The following COL24A1 variants were observed in gnomAD, a reference collection of about 807,000 sequenced individuals.
The protein encoded by COL24A1 is collagen type XXIV alpha 1 chain, also known as collagen alpha-1(XXIV) chain.
COL24A1 carries 224 observed loss-of-function variants against 253.9 expected under a neutral mutation model. That is an observed-to-expected ratio of 0.88 (90% CI 0.79 to 0.99). The LOEUF (loss-of-function observed/expected upper bound fraction) is 0.99, where lower values mean the gene tolerates loss of function less well. Ranked by LOEUF, COL24A1 falls within the 50% of genes least tolerant of loss-of-function variation. The probability of loss-of-function intolerance (pLI) is 0.00; values close to 1 mark genes in which losing one functional copy is unlikely to be tolerated. For synonymous variants in COL24A1, 685 were observed against 673.7 expected, an observed-to-expected ratio of 1.02 and a Z score of -0.26; for missense variants, 2,131 against 2,068.5, an observed-to-expected ratio of 1.03 and a Z score of -0.59.
intron 24 of COL24A1, among the ~76,000 whole-genome samples, chr1:85,939,671 T>C (rs544207213): frequency 1.3e-5 from 2 of 152,304 alleles, no homozygotes; most frequent in South Asian, 4.1e-4. Context: ...GCAAAAGCTA[T>C]AGCTTTTTAT....
intron 2 of COL24A1, 138 bp downstream of exon 2, chr1:86,145,981 T>A (rs1444974641): frequency 3.5e-6 from 2 of 574,552 alleles, no homozygotes; most frequent in South Asian, 4.0e-5. Context: ...TAATCTTACA[T>A]TCTCATGGTA....
intron 24 of COL24A1, among the ~76,000 whole-genome samples, chr1:85,913,400 G>C (rs1685563172): frequency 6.6e-6 from 1 of 152,048 alleles, no homozygotes; most frequent in African/African-American, 2.4e-5. Flanking sequence ...TAGTATTTTG[G>C]GGTCCAGGAA....
intron 4 of COL24A1, among the ~76,000 whole-genome samples, chr1:86,114,625 T>A (rs1705945769): frequency 1.3e-5 from 2 of 152,174 alleles, no homozygotes; most frequent in South Asian, 4.1e-4. Context: ...AAGAGTTTGA[T>A]GTGACTATGG....
At chr1:85,919,233 C>A (rs1281193128) in intron 24 of COL24A1, among the ~76,000 whole-genome samples, 1 of 151,818 alleles carries the variant, frequency 6.6e-6, no homozygotes, top group Non-Finnish European at 1.5e-5. Context: ...CAGGCTGTTT[C>A]TTTCTGCAGC....
intron 19 of COL24A1, among the ~76,000 whole-genome samples, chr1:85,993,404 C>T (rs180818499): frequency 1.3e-4 from 19 of 150,314 alleles, no homozygotes; most frequent in Admixed American, 2.7e-4. Flanking sequence ...GCAACCTAGA[C>T]GAATCTCAAA....
At chr1:85,889,308 C>T (rs1256977922) in intron 32 of COL24A1, among the ~76,000 whole-genome samples, 1 of 151,998 alleles carries the variant, frequency 6.6e-6, no homozygotes, top group Non-Finnish European at 1.5e-5. Flanking sequence ...TTCAATAAAA[C>T]AGAGTTTTAT....
rs992460137 is a variant in COL24A1, at chr1:86,110,814, C to T, written c.1599+1753G>A. Among the ~76,000 whole-genome samples the T allele has an allele frequency of 2.6e-5, 4 of 152,102 alleles. No homozygotes were observed. The East Asian group carries it at 5.8e-4, about 22-fold the overall frequency. The stretch of plus-strand genomic sequence containing the variant: ...CTCCGGACCTGCAGCCCACCATGCC[C>T]GACCCCCGCCCCCCACACCCCATGG... On this transcript the variant is annotated intron_variant, in intron 5 of 59. Coordinates refer to ENST00000370571, the MANE Select transcript of COL24A1 (RefSeq NM_152890.7).
intron 24 of COL24A1, among the ~76,000 whole-genome samples, chr1:85,938,687 AC>A (rs1688449212): frequency 6.9e-6 from 1 of 145,694 alleles, no homozygotes; most frequent in Non-Finnish European, 1.5e-5. Flanking sequence ...CTTCCAAGGT[AC>A]TCCTTCAAGG....
chr1:86,066,231 C>CTTT lies in COL24A1; in HGVS notation c.1708-2475_1708-2473dup, dbSNP rs71078637. On this transcript the variant is annotated intron_variant, in intron 7 of 59. Transcript: ENST00000370571. Reference sequence around the variant, plus strand: ...TTTTCCTTGAAATATCCTAAGTCTCCTTTTTTTTTTTTTTTTTTTTTTTTT... The same window carrying CTTT: ...TTTTCCTTGAAATATCCTAAGTCTCCTTTTTTTTTTTTTTTTTTTTTTTTTTTT... Among the ~76,000 whole-genome samples, 650 of 85,520 alleles carry CTTT rather than the reference C, an allele frequency of 7.6e-3. 4 individuals carry two copies. Among genetic ancestry groups the CTTT allele is most frequent in the Non-Finnish European group, 8.6e-3 (397 of 46,372 alleles). 56.1% of individuals were successfully genotyped at this position (85,520 alleles called of 152,430 possible).
At chr1:85,993,761 T>C (rs1160212865) in intron 19 of COL24A1, among the ~76,000 whole-genome samples, 3 of 152,034 alleles carry the variant, frequency 2.0e-5, no homozygotes, top group East Asian at 1.9e-4. Flanking sequence ...GTATTTAGTA[T>C]TGGGTATTTT....
chr1:85,816,649 G>A, intron 47 of COL24A1, 139 bp downstream of exon 47: 1 of 674,676 alleles, frequency 1.5e-6, no homozygotes, highest in Non-Finnish European at 2.7e-6. Context: ...AAATACAACT[G>A]CATAATAGCT....
At chr1:85,997,960 A>G (rs545862073) in intron 19 of COL24A1, among the ~76,000 whole-genome samples, 4 of 152,266 alleles carry the variant, frequency 2.6e-5, no homozygotes, top group South Asian at 4.1e-4. Flanking sequence ...CAACAGAGAA[A>G]TGCCAGGATA....
chr1:85,822,802 C>G (rs1673798103), intron 45 of COL24A1, among the ~76,000 whole-genome samples: 1 of 152,132 alleles, frequency 6.6e-6, no homozygotes, highest in Non-Finnish European at 1.5e-5. Context: ...TCTGATCACC[C>G]TTGATATTTG....
intron 5 of COL24A1, among the ~76,000 whole-genome samples, chr1:86,095,096 A>G (rs1703802323): frequency 6.6e-6 from 1 of 152,054 alleles, no homozygotes; most frequent in African/African-American, 2.4e-5. Context: ...AAAAGTTTAA[A>G]TATAATAAAA....
At position 86,125,800 on chromosome 1, in the gene COL24A1, A is replaced by C; in HGVS notation, c.536T>G (p.Val179Gly). 1 of 1,613,248 alleles carries C rather than the reference A, an allele frequency of 6.2e-7. No individual in the cohort carries two copies. The highest frequency in any genetic ancestry group is 1.1e-5 in the South Asian group (1 of 91,040). Reference protein sequence around the residue: ...TIRNQSVSMFVECGKKYFSTE... With the variant: ...TIRNQSVSMFGECGKKYFSTE... ...GCTAAAATATTTCTTTCCACACTCA[A>C]CAAACATTGAGACACTTTGGTTTCT... The change falls in exon 3 of 60, where the codon GTT (valine) becomes GGT (glycine). Residue 179 changes from valine to glycine, a missense_variant. Physicochemically the swap from Val to Gly is moderately radical, Grantham distance 109. Transcript: ENST00000370571.
At chr1:86,118,319 T>C (rs1557695092) in intron 3 of COL24A1, among the ~76,000 whole-genome samples, 1 of 152,210 alleles carries the variant, frequency 6.6e-6, no homozygotes, top group Non-Finnish European at 1.5e-5. Flanking sequence ...TGCCTTGGCC[T>C]CCCAAAGTGC....
chr1:85,841,194 AC>A, intron 42 of COL24A1, 27 bp downstream of exon 42: 1 of 1,538,868 alleles, frequency 6.5e-7, no homozygotes, highest in South Asian at 1.2e-5. Context: ...ATCTTGAATA[AC>A]CAGAATTATT....
In COL24A1 at chr1:85,933,112, A is replaced by G. The variant is rs1316959482; in HGVS notation, c.2563-21679T>C. On this transcript the variant is annotated intron_variant, in intron 24 of 59. Transcript: ENST00000370571. ...TAAAAAAAAAAAAAAGAAAGAAAGA[A>G]AAAAAAAAGAATGTGTGTAGGTGAA... Among the ~76,000 whole-genome samples the G allele has an allele frequency of 3.4e-5, 4 of 117,602 alleles. 1 individual carries two copies. The highest frequency in any genetic ancestry group is 9.1e-5 in the African/African-American group (3 of 32,862). The allele number at this position is 117,602 out of a possible 152,430, so 77.2% of individuals were successfully genotyped here.
chr1:85,886,683 G>C (rs1244035931), intron 32 of COL24A1, among the ~76,000 whole-genome samples: 2 of 151,596 alleles, frequency 1.3e-5, no homozygotes, highest in Non-Finnish European at 2.9e-5. Context: ...AAAAAAAAAT[G>C]GTTGCTAAAT....
Sources: allele counts gnomAD v4.1 joint callset (sites outside exome capture counted in the v4.1 genomes callset), GRCh38; gene constraint gnomAD v4.1.1; transcripts MANE v1.5; gene names NCBI Gene and HGNC (gene_info 2026-07-23, HGNC 2026-07-21).